ITFG2: variants seen among roughly 807,000 people sequenced by gnomAD.
The protein encoded by ITFG2 is integrin alpha FG-GAP repeat containing 2, also known as KICSTOR complex protein ITFG2.
Under a neutral mutation model 54.4 loss-of-function variants are expected in ITFG2, and 36 were observed. The observed-to-expected ratio is 0.66, with a 90% confidence interval of 0.51 to 0.87. The LOEUF (loss-of-function observed/expected upper bound fraction) is 0.87, where lower values mean the gene tolerates loss of function less well. Among genes scored for constraint, ITFG2 ranks in the 40% least tolerant of loss-of-function variants. The pLI is 0.00. For missense variants in ITFG2, 524 were observed against 576.7 expected (o/e 0.91, Z 0.94); for synonymous variants, 211 against 225.4 (o/e 0.94, Z 0.57).
At chr12:2,854,240 G>A (rs939176372) in intron 2 of ITFG2, among the ~76,000 whole-genome samples, 3 of 151,982 alleles carry the variant, frequency 2.0e-5, no homozygotes, top group African/African-American at 7.2e-5. Flanking sequence ...GGTCAGGCTG[G>A]TCTGGAACTC....
upstream of ITFG2, chr12:2,835,156 C>CGTTT: frequency 3.1e-6 from 4 of 1,299,386 alleles, no homozygotes; most frequent in East Asian, 3.8e-5. Flanking sequence ...GTGGATGGGG[C>CGTTT]GTATGTGTGT....
intron 2 of ITFG2, chr12:2,857,109 G>C: frequency 1.4e-6 from 1 of 702,366 alleles, no homozygotes. Context: ...GGTTGCTATG[G>C]TGATGCTGCT....
intron 2 of ITFG2, chr12:2,817,541 G>A (rs1017387992): frequency 2.7e-5 from 15 of 564,084 alleles, no homozygotes; most frequent in Middle Eastern, 4.7e-4. Flanking sequence ...TTTTTGTGTC[G>A]TGGAGTACTC....
At chr12:2,826,908 T>C (rs1050087050), downstream of ITFG2, 4 of 1,073,614 alleles carry the variant, frequency 3.7e-6, no homozygotes, top group Non-Finnish European at 3.6e-6. Context: ...AGGCACCCCA[T>C]TGTGCTTAGG....
Position 2,812,670 on chromosome 12 carries a change from C to T in ITFG2, c.-91C>T, listed in dbSNP as rs2097911582. 3.0e-6 allele frequency: 3 copies of T among 1,016,024 alleles called. No homozygotes were observed. The highest frequency in any genetic ancestry group is 3.1e-6 in the Non-Finnish European group (2 of 646,340). The allele number at this position is 1,016,024 out of a possible 1,614,324, so 62.9% of individuals were successfully genotyped here. A position where few individuals can be genotyped will look rare whatever the true frequency, so the allele number is the denominator to read the frequency against. ...TTCAGGCAGTGACGTAACTTGCTGC[C>T]TTAGGTGGCCTTCCGCTCTGGCGGC... On this transcript the variant is annotated 5_prime_UTR_variant, in exon 1 of 12. Transcript: ENST00000228799.
chr12:2,848,877 G>GCACGCA (rs1555092611), intron 2 of ITFG2, among the ~76,000 whole-genome samples: 1 of 140,272 alleles, frequency 7.1e-6, no homozygotes, highest in East Asian at 2.1e-4. Flanking sequence ...ACACACACAC[G>GCACGCA]CACACACACA....
At chr12:2,816,093 C>T (rs1333416177) in intron 1 of ITFG2, among the ~76,000 whole-genome samples, 1 of 150,314 alleles carries the variant, frequency 6.7e-6, no homozygotes, top group Admixed American at 6.7e-5. Flanking sequence ...TGCAGTGGCA[C>T]GATCTCGGCT....
At chr12:2,820,264 T>C in intron 5 of ITFG2, 39 bp downstream of exon 5, 1 of 1,528,834 alleles carries the variant, frequency 6.5e-7, no homozygotes, top group Non-Finnish European at 8.8e-7. Flanking sequence ...CCCAGGGAGC[T>C]GGGAGGAAGG....
chr12:2,825,701 T>C (rs2153925382), downstream of ITFG2: 1 of 152,436 alleles, frequency 6.6e-6, no homozygotes, highest in East Asian at 1.9e-4. Flanking sequence ...CTCAAGACTG[T>C]TTCAGCCCAA....
chr12:2,857,456 G>A, intron 2 of ITFG2: 1 of 226,582 alleles, frequency 4.4e-6, no homozygotes, highest in Non-Finnish European at 9.0e-6. Context: ...AAGGAACAAG[G>A]TCAGAGACGC....
At chr12:2,858,700 C>G (rs1565458738) in intron 3 of ITFG2, 1 of 1,614,148 alleles carries the variant, frequency 6.2e-7, no homozygotes, top group Non-Finnish European at 8.5e-7. Flanking sequence ...GGGTCCTCGT[C>G]CAGGCCAGGA....
chr12:2,834,696 C>T (rs750490097), upstream of ITFG2: 16 of 1,613,626 alleles, frequency 9.9e-6, no homozygotes, highest in Admixed American at 3.3e-5. Flanking sequence ...GCAGGTCGGC[C>T]GAGTCCTTGT....
downstream of ITFG2, chr12:2,828,386 A>G: frequency 6.2e-7 from 1 of 1,613,972 alleles, no homozygotes; most frequent in Non-Finnish European, 8.5e-7. Context: ...GCCTGTGTCA[A>G]CGGCCACTCT....
intron 2 of ITFG2, among the ~76,000 whole-genome samples, chr12:2,850,653 T>TTTTGTTTTG (rs2098067138): frequency 1.0e-5 from 1 of 97,630 alleles, no homozygotes; most frequent in African/African-American, 6.0e-5. Context: ...AGAGTCTTTG[T>TTTTGTTTTG]TTTTGTTTTG....
chr12:2,821,931 C>CT (rs375280127), intron 9 of ITFG2, 139 bp downstream of exon 9: 26,837 of 504,128 alleles, frequency 0.053, 86 homozygotes, highest in African/African-American at 0.069. Context: ...TTTTTTTTTC[C>CT]TTTTTTTTTT....
At chr12:2,840,574 C>G (rs1183068132) in intron 1 of ITFG2, among the ~76,000 whole-genome samples, 1 of 152,058 alleles carries the variant, frequency 6.6e-6, no homozygotes, top group East Asian at 1.9e-4. Context: ...ATCACGAGGT[C>G]AGGAGATTGA....
Position 2,824,194 on chromosome 12 carries a change from C to T in ITFG2, c.*1C>T, listed in dbSNP as rs139174878. ...CTCAAGCCTCCAGGATCCCACCTAGCTGTACTTGCCTCATAGCTGGTGAAG... is the reference window on the plus strand; with the variant it reads ...CTCAAGCCTCCAGGATCCCACCTAGTTGTACTTGCCTCATAGCTGGTGAAG... On this transcript the variant is annotated 3_prime_UTR_variant, in exon 12 of 12. Coordinates refer to ENST00000228799, the MANE Select transcript of ITFG2 (RefSeq NM_018463.4). The T allele has an allele frequency of 4.3e-6, 7 of 1,613,620 alleles. No individual in the cohort carries two copies. The African/African-American group carries it at 9.3e-5, about 22-fold the overall frequency.
chr12:2,850,018 C>G (rs1004769378), intron 2 of ITFG2, among the ~76,000 whole-genome samples: 2 of 152,110 alleles, frequency 1.3e-5, no homozygotes, highest in Non-Finnish European at 2.9e-5. Context: ...GCCCCTGGTT[C>G]GGCAGATAGT....
At chr12:2,817,532 T>A (rs1222605225) in intron 2 of ITFG2, 1 of 569,328 alleles carries the variant, frequency 1.8e-6, no homozygotes, top group Non-Finnish European at 3.1e-6. Flanking sequence ...GCTGGGGTGT[T>A]TTTGTGTCGT....
Sources: allele counts gnomAD v4.1 joint callset (sites outside exome capture counted in the v4.1 genomes callset), GRCh38; gene constraint gnomAD v4.1.1; transcripts MANE v1.5; gene names NCBI Gene and HGNC (gene_info 2026-07-23, HGNC 2026-07-21).